Variants in SGCD observed in about 807,000 individuals in gnomAD.
SGCD encodes sarcoglycan delta.
Under a neutral mutation model 36.6 loss-of-function variants are expected in SGCD, and 18 were observed. The observed-to-expected ratio is 0.49, with a 90% CI of 0.34 to 0.73. SGCD has a LOEUF of 0.73. Among genes scored for constraint, SGCD ranks in the 30% least tolerant of loss-of-function variants. The probability of loss-of-function intolerance (pLI) is 0.01; values close to 1 mark genes in which losing one functional copy is unlikely to be tolerated. For synonymous variants in SGCD, 133 were observed against 130.6 expected (o/e 1.02, Z -0.12); for missense variants, 387 against 346.7 (o/e 1.12, Z -0.92).
At chr5:155,782,616 T>C in the SGCD span, among the ~76,000 whole-genome samples, 1 of 152,166 alleles carries the variant, frequency 6.6e-6, no homozygotes, top group African/African-American at 2.4e-5. Context: ...GCAGGGGGTC[T>C]CTAAAACCCA....
intron 4 of SGCD, among the ~76,000 whole-genome samples, chr5:156,573,054 T>G (rs1414832020): frequency 6.6e-6 from 1 of 152,172 alleles, no homozygotes; most frequent in Non-Finnish European, 1.5e-5. Flanking sequence ...TTATGAATAT[T>G]TTTGTATTTT....
At chr5:156,330,874 G>A (rs1768039214) in intron 2 of SGCD, among the ~76,000 whole-genome samples, 1 of 152,180 alleles carries the variant, frequency 6.6e-6, no homozygotes, top group Non-Finnish European at 1.5e-5. Flanking sequence ...TGGCTGTGTG[G>A]CCATAGGCAA....
At chr5:156,747,513 C>T (rs957355125) in intron 7 of SGCD, among the ~76,000 whole-genome samples, 1 of 152,126 alleles carries the variant, frequency 6.6e-6, no homozygotes, top group East Asian at 1.9e-4. Context: ...GGATTAAGTT[C>T]TCTGTAGACT....
intron 1 of SGCD, among the ~76,000 whole-genome samples, chr5:155,910,757 A>G (rs146525203): frequency 1.7e-3 from 254 of 152,268 alleles, no homozygotes; most frequent in Non-Finnish European, 3.1e-3. Flanking sequence ...AGAAGATAAA[A>G]TGAATCATGT....
At chr5:156,081,553 G>A (rs1373976850) in intron 1 of SGCD, among the ~76,000 whole-genome samples, 2 of 152,054 alleles carry the variant, frequency 1.3e-5, no homozygotes, top group Non-Finnish European at 2.9e-5. Context: ...GCTACCACGT[G>A]CAACTAATGT....
chr5:156,036,838 G>A (rs550840289), intron 1 of SGCD, among the ~76,000 whole-genome samples: 7 of 152,182 alleles, frequency 4.6e-5, no homozygotes, highest in Middle Eastern at 6.8e-3. Context: ...CAGAGCACAT[G>A]TTTCTCCTTC....
rs1015484538 is a variant in SGCD, at chr5:156,057,026, A to C, written c.-281-60852A>C. 2.0e-4 allele frequency among the ~76,000 whole-genome samples: 29 copies of C among 146,468 alleles called. 2 individuals are homozygous for C. The highest frequency in any genetic ancestry group is 6.9e-4 in the African/African-American group (28 of 40,658). ...TGGTTTATCTATACAGATAGTCATT[A>C]ATGCATTTAAAATTGTGATCCATAG... On this transcript the variant is annotated intron_variant, in intron 1 of 9. Coordinates refer to the SGCD transcript ENST00000517913.
chr5:156,763,653 A>G lies in SGCD; in HGVS notation c.*4263A>G, dbSNP rs909615163. 4 of 152,106 alleles carry G rather than the reference A, an allele frequency of 2.6e-5. No homozygotes were observed. Among genetic ancestry groups the G allele is most frequent in the East Asian group, 3.9e-4 (2 of 5,178 alleles). The allele number at this position is 152,106 out of a possible 1,614,324, so 9.4% of individuals were successfully genotyped here. A position where few individuals can be genotyped will look rare whatever the true frequency, so the allele number is the denominator to read the frequency against. ...CTTGTGTGTGGTAAGGCAGGTTCCT[A>G]TCAGACATTTATCCCTTTGGTCAAG... On this transcript the variant is annotated 3_prime_UTR_variant, in exon 9 of 9. Coordinates refer to ENST00000337851, the MANE Select transcript of SGCD (RefSeq NM_000337.6).
intron 7 of SGCD, among the ~76,000 whole-genome samples, chr5:156,749,869 T>C (rs1052796426): frequency 8.5e-5 from 13 of 152,092 alleles, no homozygotes; most frequent in Admixed American, 8.5e-4. Flanking sequence ...TCATAAACAA[T>C]TCTGGATTAT....
chr5:156,283,763 G>T (rs1191873125), intron 3 of SGCD, among the ~76,000 whole-genome samples: 1 of 152,112 alleles, frequency 6.6e-6, no homozygotes, highest in Admixed American at 6.6e-5. Flanking sequence ...TTATGCCCAA[G>T]AATTTTTAAC....
At chr5:156,724,932 T>TAA in intron 7 of SGCD, among the ~76,000 whole-genome samples, 1 of 152,186 alleles carries the variant, frequency 6.6e-6, no homozygotes, top group South Asian at 2.1e-4. Flanking sequence ...CTTATGGCAG[T>TAA]AAAATATAAT....
At chr5:156,004,557 A>G (rs902889395) in intron 1 of SGCD, among the ~76,000 whole-genome samples, 3 of 152,208 alleles carry the variant, frequency 2.0e-5, no homozygotes, top group African/African-American at 7.2e-5. Context: ...AGTTAGAGGT[A>G]GAATCCACAC....
At chr5:156,161,561 A>C (rs186808771) in intron 3 of SGCD, among the ~76,000 whole-genome samples, 1 of 152,048 alleles carries the variant, frequency 6.6e-6, no homozygotes, top group Admixed American at 6.5e-5. Flanking sequence ...AAAGCTGGTG[A>C]ATTGCAGAAA....
At chr5:156,753,468 C>G (rs938679308) in intron 7 of SGCD, among the ~76,000 whole-genome samples, 1 of 152,198 alleles carries the variant, frequency 6.6e-6, no homozygotes, top group African/African-American at 2.4e-5. Flanking sequence ...CAGAGGTTGA[C>G]GGACATCACT....
At chr5:156,482,039 A>G (rs1355970996) in intron 3 of SGCD, among the ~76,000 whole-genome samples, 2 of 152,160 alleles carry the variant, frequency 1.3e-5, no homozygotes, top group African/African-American at 2.4e-5. Flanking sequence ...CCTTTCCCAC[A>G]TCTGTGCCTG....
At chr5:155,988,551 A>T (rs145337765) in intron 1 of SGCD, among the ~76,000 whole-genome samples, 1 of 151,814 alleles carries the variant, frequency 6.6e-6, no homozygotes, top group Non-Finnish European at 1.5e-5. Flanking sequence ...AGTGTATGCT[A>T]TTCTTCTTAA....
intron 2 of SGCD, among the ~76,000 whole-genome samples, chr5:156,123,314 A>G (rs1450854154): frequency 6.6e-6 from 1 of 152,120 alleles, no homozygotes; most frequent in East Asian, 1.9e-4. Flanking sequence ...ACTGAGCCCT[A>G]AGATCTCCTT....
At position 156,019,655 on chromosome 5, in the gene SGCD, A is replaced by G. The variant is rs548192348; in HGVS notation, c.-281-98223A>G. 3.9e-5 allele frequency among the ~76,000 whole-genome samples: 6 copies of G among 152,342 alleles called. No homozygotes were observed. In the South Asian group the frequency reaches 1.2e-3, roughly 32 times the overall value. ...ACATTATATCAGAGAGGACAGCTAAAGCTATATCAACACAGTGCCGTAAAT... is the reference window on the plus strand; with the variant it reads ...ACATTATATCAGAGAGGACAGCTAAGGCTATATCAACACAGTGCCGTAAAT... On this transcript the variant is annotated intron_variant, in intron 1 of 9. Transcript: ENST00000517913.
At chr5:155,908,559 G>A (rs555980522) in intron 1 of SGCD, among the ~76,000 whole-genome samples, 1 of 152,154 alleles carries the variant, frequency 6.6e-6, no homozygotes, top group Non-Finnish European at 1.5e-5. Context: ...CAGACAGCAA[G>A]TGATAGCGAG....
Sources: allele counts gnomAD v4.1 joint callset (sites outside exome capture counted in the v4.1 genomes callset), GRCh38; gene constraint gnomAD v4.1.1; transcripts MANE v1.5; gene names NCBI Gene and HGNC (gene_info 2026-07-23, HGNC 2026-07-21).